The following CHD2 variants were observed in gnomAD, a reference collection of about 807,000 sequenced individuals.
CHD2 encodes the protein chromodomain helicase DNA binding protein 2.
A neutral mutation model predicts 243.9 loss-of-function variants in CHD2; 28 were observed. That is an observed-to-expected ratio of 0.11 (90% CI 0.09 to 0.16). The LOEUF (loss-of-function observed/expected upper bound fraction) is 0.16. Ranked by LOEUF, CHD2 falls within the 10% of genes least tolerant of loss-of-function variation. The pLI is 1.00. For synonymous variants in CHD2, 775 were observed against 779.0 expected, an observed-to-expected ratio of 0.99 and a Z score of 0.09; for missense variants, 1,386 against 2,209.8, an observed-to-expected ratio of 0.63 and a Z score of 7.47.
chr15:92,975,523 C>G (rs987795091), intron 20 of CHD2, among the ~76,000 whole-genome samples: 2 of 152,042 alleles, frequency 1.3e-5, no homozygotes, highest in Non-Finnish European at 2.9e-5. Flanking sequence ...TCATCAGATG[C>G]CATGGGATTT....
Position 92,997,767 on chromosome 15 carries a change from C to T in CHD2, c.3885+364C>T, listed in dbSNP as rs2053359. The T allele has an allele frequency of 0.66, 108,530 of 163,312 alleles. 38,443 individuals carry two copies. Among genetic ancestry groups the T allele is most frequent in the East Asian group, 0.96 (5,267 of 5,462 alleles). 10.1% of individuals were successfully genotyped at this position (163,312 alleles called of 1,614,324 possible). A position where few individuals can be genotyped will look rare whatever the true frequency, so the allele number is the denominator to read the frequency against. On this transcript the variant is annotated intron_variant, in intron 30 of 38. Transcript: ENST00000394196. This position sits in a 1 kb window ranked among gnomAD's most constrained non-coding sequence, Gnocchi z 4.1. Reference sequence around the variant, plus strand: ...GTACATTTGAAACAACCATATTTCACTTCCTCACGTAAAGATTGAATGTCA... The same window carrying T: ...GTACATTTGAAACAACCATATTTCATTTCCTCACGTAAAGATTGAATGTCA...
At chr15:92,923,502 T>A (rs1169753496) in intron 2 of CHD2, among the ~76,000 whole-genome samples, 1 of 152,014 alleles carries the variant, frequency 6.6e-6, no homozygotes, top group Non-Finnish European at 1.5e-5. Context: ...TCAAGCAATC[T>A]TCCTGCCTAG....
At chr15:92,951,971 T>C (rs1390606905) in intron 13 of CHD2, among the ~76,000 whole-genome samples, 1 of 152,212 alleles carries the variant, frequency 6.6e-6, no homozygotes, top group Non-Finnish European at 1.5e-5. Context: ...ACTCATAAAT[T>C]ACTTTTAGTT....
At chr15:92,961,540 C>T (rs1166828970) in intron 16 of CHD2, among the ~76,000 whole-genome samples, 1 of 152,052 alleles carries the variant, frequency 6.6e-6, no homozygotes, top group Non-Finnish European at 1.5e-5. Context: ...GCTGGGGCTG[C>T]AGATGTGCAC....
At chr15:92,975,412 G>C (rs543432151) in intron 20 of CHD2, among the ~76,000 whole-genome samples, 1 of 152,326 alleles carries the variant, frequency 6.6e-6, no homozygotes, top group Admixed American at 6.5e-5. Flanking sequence ...TGTCGAGCTT[G>C]GATTTGGCAT....
intron 28 of CHD2, chr15:92,993,287 C>T (rs990741100): frequency 3.8e-5 from 12 of 315,584 alleles, no homozygotes; most frequent in Non-Finnish European, 6.1e-5. Context: ...AACCCAGGGG[C>T]AGAGCTTGGT....
At position 93,002,118 on chromosome 15, in the gene CHD2, A is replaced by C. The variant is rs189655035; in HGVS notation, c.4138-59A>C. 1.1e-5 allele frequency: 17 copies of C among 1,541,886 alleles called. No homozygotes were observed. The Admixed American group carries it at 3.8e-4, about 35-fold the overall frequency. On this transcript the variant is annotated intron_variant, in intron 32 of 38. Coordinates refer to ENST00000394196, the MANE Select transcript of CHD2 (RefSeq NM_001271.4). ...GGGGGCAGTGCTTCTTTTTCCAGAA[A>C]GTACATAAGTAGATATAAAATTTGT...
At chr15:92,931,167 G>A (rs1253373003) in intron 5 of CHD2, among the ~76,000 whole-genome samples, 1 of 152,122 alleles carries the variant, frequency 6.6e-6, no homozygotes, top group Non-Finnish European at 1.5e-5. Flanking sequence ...AGAGTGAAAG[G>A]TTTGAAATAT....
chr15:92,967,803 A>G (rs954678065), intron 17 of CHD2, among the ~76,000 whole-genome samples: 6 of 152,076 alleles, frequency 3.9e-5, no homozygotes, highest in Non-Finnish European at 8.8e-5. Context: ...TTTTGTTGTT[A>G]TTAAGCAAAA....
chr15:92,952,199 T>C (rs1177625108), intron 13 of CHD2, among the ~76,000 whole-genome samples: 3 of 152,174 alleles, frequency 2.0e-5, no homozygotes, highest in African/African-American at 7.2e-5. Flanking sequence ...TTTCCATTAA[T>C]ATCCTGTTGA....
chr15:92,967,249 C>G (rs2053777943), intron 16 of CHD2, 76 bp from the exon 17 acceptor site: 1 of 1,053,618 alleles, frequency 9.5e-7, no homozygotes, highest in Non-Finnish European at 1.4e-6. Context: ...GGGAAAGATT[C>G]ATTTTTTTAC....
rs2272461 is a variant in CHD2, at chr15:92,979,082, G to A, written c.2728-53G>A. 1,066,548 of 1,575,114 alleles carry A rather than the reference G, an allele frequency of 0.68. 363,109 individuals are homozygous for A. Among genetic ancestry groups the A allele is most frequent in the Middle Eastern group, 0.81 (4,522 of 5,596 alleles). On this transcript the variant is annotated intron_variant, in intron 21 of 38. Transcript: ENST00000394196. Reference sequence around the variant, plus strand: ...AGAGCTAATCCTTCTCTCTTTTTTTGGGGGGGTTGGGGGGTGGTTCAGGCA... The same window carrying A: ...AGAGCTAATCCTTCTCTCTTTTTTTAGGGGGGTTGGGGGGTGGTTCAGGCA...
chr15:92,918,432 T>A (rs1175020706), intron 2 of CHD2, among the ~76,000 whole-genome samples: 2 of 152,248 alleles, frequency 1.3e-5, no homozygotes, highest in Non-Finnish European at 2.9e-5. Flanking sequence ...AGATGTTGAA[T>A]AATTTTCAGA....
At chr15:93,020,343 TTATC>T (rs368090300) in intron 38 of CHD2, 85 bp downstream of exon 38, 3 of 1,510,570 alleles carry the variant, frequency 2.0e-6, no homozygotes, top group East Asian at 2.3e-5. Flanking sequence ...ATGAATGTAT[TTATC>T]TATCAAATTA....
At chr15:93,012,494 A>G in intron 36 of CHD2, 50 bp downstream of exon 36, 2 of 1,325,070 alleles carry the variant, frequency 1.5e-6, no homozygotes, top group Non-Finnish European at 2.1e-6. Flanking sequence ...CCAATTCCAC[A>G]GAAAAATCTC....
intron 14 of CHD2, among the ~76,000 whole-genome samples, chr15:92,954,691 CTA>C (rs2053596121): frequency 6.6e-6 from 1 of 152,200 alleles, no homozygotes; most frequent in African/African-American, 2.4e-5. Context: ...AAAATGAACT[CTA>C]AAAAATTGTA....
intron 37 of CHD2, among the ~76,000 whole-genome samples, 192 bp from the exon 38 acceptor site, chr15:93,019,820 T>G (rs746933161): frequency 4.5e-4 from 69 of 151,804 alleles, no homozygotes; most frequent in Non-Finnish European, 8.1e-4. Context: ...TGTAGTCCCA[T>G]CTACTTGGGA....
chr15:93,020,073 A>G lies in CHD2; in HGVS notation c.4968A>G (p.Pro1656=), dbSNP rs909107415. The G allele has an allele frequency of 2.0e-5, 33 of 1,614,094 alleles. No individual in the cohort carries two copies. Among genetic ancestry groups the G allele is most frequent in the Admixed American group, 1.2e-4 (7 of 60,004 alleles). The part of the protein sequence containing the change: ...FNYGGGNNNP[P]WGSDRHHQYE... ...ATGGTGGTGGCAACAACAATCCACCATGGGGAAGCGACAGGCACCATCAGT... is the reference window on the plus strand; with the variant it reads ...ATGGTGGTGGCAACAACAATCCACCGTGGGGAAGCGACAGGCACCATCAGT... Residue 1656 remains proline (P), a synonymous_variant, in exon 38 of 39, where the codon CCA becomes CCG. Coordinates refer to ENST00000394196, the MANE Select transcript of CHD2 (RefSeq NM_001271.4).
intron 5 of CHD2, among the ~76,000 whole-genome samples, chr15:92,929,815 C>T (rs1477352605): frequency 1.3e-5 from 2 of 151,820 alleles, no homozygotes; most frequent in Non-Finnish European, 2.9e-5. Flanking sequence ...TCCATGGCTT[C>T]TATTAAGAGC....
Sources: allele counts gnomAD v4.1 joint callset (sites outside exome capture counted in the v4.1 genomes callset), GRCh38; gene constraint gnomAD v4.1.1; non-coding constraint Gnocchi (gnomAD v3.1); transcripts MANE v1.5; gene names NCBI Gene and HGNC (gene_info 2026-07-23, HGNC 2026-07-21).